The following ZDHHC3 variants were observed in gnomAD, a reference collection of about 807,000 sequenced individuals.
ZDHHC3 encodes zDHHC palmitoyltransferase 3, also known as palmitoyltransferase ZDHHC3.
In ZDHHC3, 9 loss-of-function variants were observed where a neutral mutation model predicts 30.6. The ratio of observed to expected loss-of-function variants is 0.29; its 90% CI spans 0.18 to 0.51. ZDHHC3 has a LOEUF of 0.51. Among genes scored for constraint, ZDHHC3 ranks in the 20% least tolerant of loss-of-function variants. The probability of loss-of-function intolerance (pLI) is 0.97; values close to 1 mark genes in which losing one functional copy is unlikely to be tolerated. For missense variants in ZDHHC3, 246 were observed against 384.2 expected (o/e 0.64, Z 3.01); for synonymous variants, 136 against 140.2 (o/e 0.97, Z 0.21).
chr3:44,966,294 T>A (rs913347612), intron 1 of ZDHHC3, among the ~76,000 whole-genome samples: 3 of 152,220 alleles, frequency 2.0e-5, no homozygotes, highest in African/African-American at 7.2e-5. Context: ...CGAGTGAATA[T>A]GTGACATTTT....
chr3:44,958,675 C>T, intron 2 of ZDHHC3: 1 of 1,536,116 alleles, frequency 6.5e-7, no homozygotes, highest in Non-Finnish European at 8.7e-7. Context: ...AGGCCATTTC[C>T]GTGCAGGTTC....
Position 44,922,693 on chromosome 3 carries a change from A to G in ZDHHC3, c.*3996T>C. On this transcript the variant is annotated 3_prime_UTR_variant, in exon 7 of 7. Coordinates refer to ENST00000424952, the MANE Select transcript of ZDHHC3 (RefSeq NM_001135179.2). Reference sequence around the variant, plus strand: ...TGGATTCTCAAACTTGATAGTCAGAATCACCTGGAGGGCTGTTAAGACACG... The same window carrying G: ...TGGATTCTCAAACTTGATAGTCAGAGTCACCTGGAGGGCTGTTAAGACACG... The G allele has an allele frequency of 8.1e-6, 8 of 985,344 alleles. No homozygotes were observed. The highest frequency in any genetic ancestry group is 9.6e-6 in the Non-Finnish European group (8 of 829,900). The allele number at this position is 985,344 out of a possible 1,614,324, so 61.0% of individuals were successfully genotyped here.
At position 44,926,627 on chromosome 3, in the gene ZDHHC3, G is replaced by T; in HGVS notation, c.*62C>A. ...TTTCGATTTAAACATTCATGAGAAC[G>T]GATGGGACGGTAGTGCTGTGGTGTG... On this transcript the variant is annotated 3_prime_UTR_variant, in exon 7 of 7. Transcript: ENST00000424952. The T allele has an allele frequency of 7.0e-7, 1 of 1,422,404 alleles. No homozygotes were observed. Among genetic ancestry groups the T allele is most frequent in the East Asian group, 2.5e-5 (1 of 39,408 alleles). 88.1% of individuals were successfully genotyped at this position (1,422,404 alleles called of 1,614,324 possible).
In ZDHHC3 at chr3:44,926,028, A is replaced by G. The variant is rs1559650918; in HGVS notation, c.*661T>C. The G allele has an allele frequency of 1.0e-6, 1 of 985,908 alleles. No individual in the cohort carries two copies. The highest frequency in any genetic ancestry group is 1.2e-6 in the Non-Finnish European group (1 of 829,960). The allele number at this position is 985,908 out of a possible 1,614,324, so 61.1% of individuals were successfully genotyped here. A position where few individuals can be genotyped will look rare whatever the true frequency, so the allele number is the denominator to read the frequency against. Reference sequence around the variant, plus strand: ...ATATAATTGCTGATTCAGAATACAAATAAGACCTCTTTCATCTTTCTCCCC... The same window carrying G: ...ATATAATTGCTGATTCAGAATACAAGTAAGACCTCTTTCATCTTTCTCCCC... On this transcript the variant is annotated 3_prime_UTR_variant, in exon 7 of 7. Transcript: ENST00000424952.
chr3:44,917,774 T>A lies in ZDHHC3; in HGVS notation c.*8915A>T. On this transcript the variant is annotated 3_prime_UTR_variant, in exon 7 of 7. Coordinates refer to ENST00000424952, the MANE Select transcript of ZDHHC3 (RefSeq NM_001135179.2). ...AGGGGAAATGGCAAGGCCAAGCGAG[T>A]GGCTAAGGGAAGCACTGGGGGTGCT... The A allele has an allele frequency of 8.6e-7, 1 of 1,164,902 alleles. No individual in the cohort carries two copies. Among genetic ancestry groups the A allele is most frequent in the Non-Finnish European group, 1.1e-6 (1 of 903,484 alleles). 72.2% of individuals were successfully genotyped at this position (1,164,902 alleles called of 1,614,324 possible).
chr3:44,953,309 CTT>C (rs1349152746), intron 2 of ZDHHC3, among the ~76,000 whole-genome samples: 1 of 152,184 alleles, frequency 6.6e-6, no homozygotes, highest in Non-Finnish European at 1.5e-5. Context: ...TTGGAAAAAA[CTT>C]TATTTTAATT....
chr3:44,921,756 T>C lies in ZDHHC3; in HGVS notation c.*4933A>G, dbSNP rs1397022093. 1.0e-6 allele frequency: 1 copy of C among 970,068 alleles called. No homozygotes were observed. The allele number at this position is 970,068 out of a possible 1,614,324, so 60.1% of individuals were successfully genotyped here. A position where few individuals can be genotyped will look rare whatever the true frequency, so the allele number is the denominator to read the frequency against. On this transcript the variant is annotated 3_prime_UTR_variant, in exon 7 of 7. Transcript: ENST00000424952. ...AAGAAGTTACTGCTCAAGGTCATAT[T>C]TTGGTAGTAGGTGCGGTAATAAGTA... is the stretch of plus-strand genomic sequence containing the variant.
In ZDHHC3 at chr3:44,917,240, CAT is replaced by C. The variant is rs1322318035; in HGVS notation, c.*9447_*9448del. 6.4e-6 allele frequency: 1 copy of C among 156,142 alleles called. No homozygotes were observed. The highest frequency in any genetic ancestry group is 6.1e-5 in the Admixed American group (1 of 16,316). 9.7% of individuals were successfully genotyped at this position (156,142 alleles called of 1,614,324 possible). On this transcript the variant is annotated 3_prime_UTR_variant, in exon 7 of 7. Transcript: ENST00000424952. Reference sequence around the variant, plus strand: ...CTGTCCATGCTGGACATGTCCTGCACATGTGTGTGTAGAGCTTAATGCAGGGT... The same window carrying C: ...CTGTCCATGCTGGACATGTCCTGCACGTGTGTGTAGAGCTTAATGCAGGGT...
In ZDHHC3 at chr3:44,921,221, G is replaced by C. The variant is rs1242074278; in HGVS notation, c.*5468C>G. 1.6e-5 allele frequency: 15 copies of C among 940,212 alleles called. No individual in the cohort carries two copies. Among genetic ancestry groups the C allele is most frequent in the South Asian group, 5.4e-5 (1 of 18,584 alleles). 58.2% of individuals were successfully genotyped at this position (940,212 alleles called of 1,614,324 possible). On this transcript the variant is annotated 3_prime_UTR_variant, in exon 7 of 7. Coordinates refer to ENST00000424952, the MANE Select transcript of ZDHHC3 (RefSeq NM_001135179.2). ...CCAAAATGAATGTATTAGGACTAAG[G>C]CTCCCGAGGAAGGAAGAGTCTGTGC... is the stretch of plus-strand genomic sequence containing the variant.
chr3:44,975,391 G>A lies in ZDHHC3; in HGVS notation c.-25+542C>T, dbSNP rs530030902. 3 of 152,336 alleles carry A rather than the reference G, an allele frequency of 2.0e-5. No individual in the cohort carries two copies. In the East Asian group the frequency reaches 5.8e-4, roughly 29 times the overall value. The allele number at this position is 152,336 out of a possible 1,614,324, so 9.4% of individuals were successfully genotyped here. On this transcript the variant is annotated intron_variant, in intron 1 of 6. Transcript: ENST00000424952. ...AGCCGGGGTTTCCAGTTCCCGCTAG[G>A]AAGCGTTGGGGACGTCCGGGCACTG...
Position 44,915,471 on chromosome 3 carries a change from A to G in ZDHHC3, c.*11218T>C, listed in dbSNP as rs1326725545. 1 of 152,220 alleles carries G rather than the reference A, an allele frequency of 6.6e-6. No individual in the cohort carries two copies. The highest frequency in any genetic ancestry group is 1.5e-5 in the Non-Finnish European group (1 of 68,142). The allele number at this position is 152,220 out of a possible 1,614,324, so 9.4% of individuals were successfully genotyped here. A position where few individuals can be genotyped will look rare whatever the true frequency, so the allele number is the denominator to read the frequency against. On this transcript the variant is annotated 3_prime_UTR_variant, in exon 7 of 7. Coordinates refer to ENST00000424952, the MANE Select transcript of ZDHHC3 (RefSeq NM_001135179.2). Reference sequence around the variant, plus strand: ...TCAGGGTTGGACAGGTTAATTACCTACATAACCCTGGCTGTGGCCCAGCCC... The same window carrying G: ...TCAGGGTTGGACAGGTTAATTACCTGCATAACCCTGGCTGTGGCCCAGCCC...
At chr3:44,968,610 C>T (rs1479580164) in intron 1 of ZDHHC3, among the ~76,000 whole-genome samples, 3 of 152,176 alleles carry the variant, frequency 2.0e-5, no homozygotes, top group Non-Finnish European at 2.9e-5. Flanking sequence ...ATAGGAGGAT[C>T]GCCTGAGCCC....
intron 6 of ZDHHC3, 97 bp from the exon 7 acceptor site, chr3:44,926,944 T>C: frequency 2.1e-6 from 3 of 1,422,660 alleles, no homozygotes; most frequent in South Asian, 3.3e-5. Flanking sequence ...AGTAAATGTT[T>C]CCTTTTTAAA....
In ZDHHC3 at chr3:44,946,143, T is replaced by C. The variant is rs77343733; in HGVS notation, c.307-851A>G. Among the ~76,000 whole-genome samples the C allele has an allele frequency of 3.1e-3, 468 of 152,358 alleles. 3 individuals carry two copies. Among genetic ancestry groups the C allele is most frequent in the African/African-American group, 0.011 (445 of 41,576 alleles). Reference sequence around the variant, plus strand: ...TTAAGTTTTACTTTTACCAGTGGTATTGTTATGAATAATTGTAATCTATAT... The same window carrying C: ...TTAAGTTTTACTTTTACCAGTGGTACTGTTATGAATAATTGTAATCTATAT... On this transcript the variant is annotated intron_variant, in intron 2 of 6. Coordinates refer to ENST00000424952, the MANE Select transcript of ZDHHC3 (RefSeq NM_001135179.2).
At chr3:44,927,610 G>A (rs1199584086) in intron 6 of ZDHHC3, among the ~76,000 whole-genome samples, 3 of 152,246 alleles carry the variant, frequency 2.0e-5, no homozygotes, top group East Asian at 1.9e-4. Flanking sequence ...GAAGCATGGC[G>A]CAGACCTATG....
At chr3:44,962,426 T>C (rs1221186529) in intron 1 of ZDHHC3, among the ~76,000 whole-genome samples, 1 of 150,742 alleles carries the variant, frequency 6.6e-6, no homozygotes, top group Non-Finnish European at 1.5e-5. Flanking sequence ...ATGTGACTTG[T>C]TTCCAAGTAG....
chr3:44,962,088 C>T (rs913547432), intron 1 of ZDHHC3, among the ~76,000 whole-genome samples: 10 of 152,218 alleles, frequency 6.6e-5, no homozygotes, highest in South Asian at 2.1e-4. Flanking sequence ...ACATCTGTGA[C>T]GGCAAAACCT....
Position 44,916,339 on chromosome 3 carries a change from A to G in ZDHHC3, c.*10350T>C, listed in dbSNP as rs1374145419. ...GTTGCCCTTCACAGAGTGTCCAAAG[A>G]TGCTGTCCAAGAACCAGGATGCTGC... On this transcript the variant is annotated 3_prime_UTR_variant, in exon 7 of 7. Transcript: ENST00000424952. 6.6e-6 allele frequency: 1 copy of G among 152,130 alleles called. No homozygotes were observed. Among genetic ancestry groups the G allele is most frequent in the Non-Finnish European group, 1.5e-5 (1 of 68,024 alleles). 9.4% of individuals were successfully genotyped at this position (152,130 alleles called of 1,614,324 possible).
chr3:44,918,515 G>A lies in ZDHHC3; in HGVS notation c.*8174C>T. 2.0e-6 allele frequency: 2 copies of A among 985,432 alleles called. No homozygotes were observed. The highest frequency in any genetic ancestry group is 2.4e-6 in the Non-Finnish European group (2 of 829,936). The allele number at this position is 985,432 out of a possible 1,614,324, so 61.0% of individuals were successfully genotyped here. On this transcript the variant is annotated 3_prime_UTR_variant, in exon 7 of 7. Coordinates refer to ENST00000424952, the MANE Select transcript of ZDHHC3 (RefSeq NM_001135179.2). ...GCATAAGGGGGACCACACATCCTCT[G>A]AGGCCACTACAAACTGGTGATCCCC...
Sources: gnomAD v4.1 joint callset for allele counts (sites outside exome capture counted in the v4.1 genomes callset) on GRCh38, gnomAD v4.1.1 for gene constraint, MANE v1.5 for transcripts, NCBI Gene and HGNC (gene_info 2026-07-23, HGNC 2026-07-21) for gene names.